STK3: variants seen among roughly 807,000 people sequenced by gnomAD.
STK3 encodes the protein serine/threonine-protein kinase 3.
A neutral mutation model predicts 58.0 loss-of-function variants in STK3; 41 were observed. The observed-to-expected ratio is 0.71, with a 90% CI of 0.55 to 0.92. The LOEUF (loss-of-function observed/expected upper bound fraction) is 0.92. Ranked by LOEUF, STK3 falls within the 40% of genes least tolerant of loss-of-function variation. The probability of loss-of-function intolerance (pLI) is 0.00; values close to 1 mark genes in which losing one functional copy is unlikely to be tolerated. For missense variants in STK3, 479 were observed against 602.7 expected, an observed-to-expected ratio of 0.79 and a Z score of 2.15; for synonymous variants, 170 against 191.0, an observed-to-expected ratio of 0.89 and a Z score of 0.91.
chr8:98,440,749 T>A (rs1273763907), intron 1 of STK3, among the ~76,000 whole-genome samples: 1 of 152,232 alleles, frequency 6.6e-6, no homozygotes, highest in Non-Finnish European at 1.5e-5. Flanking sequence ...ATAGCTAACA[T>A]TCACTAGGCA....
At chr8:98,591,879 T>C (rs907435172) in intron 7 of STK3, among the ~76,000 whole-genome samples, 6 of 152,244 alleles carry the variant, frequency 3.9e-5, no homozygotes, top group East Asian at 1.9e-4. Flanking sequence ...GAATTTTCTA[T>C]ACTTTGTTAA....
chr8:98,873,469 A>T (rs1296095312), intron 3 of STK3, among the ~76,000 whole-genome samples: 1 of 152,120 alleles, frequency 6.6e-6, no homozygotes, highest in Admixed American at 6.5e-5. Flanking sequence ...ATTGTGTGGG[A>T]GTCTAAGTCT....
intron 3 of STK3, among the ~76,000 whole-genome samples, chr8:98,423,455 T>A (rs1379122542): frequency 6.6e-6 from 1 of 152,010 alleles, no homozygotes; most frequent in Non-Finnish European, 1.5e-5. Flanking sequence ...GTTTGGGAGG[T>A]GGGCAGAGTG....
intron 3 of STK3, among the ~76,000 whole-genome samples, chr8:98,874,593 A>T (rs1346696464): frequency 6.7e-6 from 1 of 149,668 alleles, no homozygotes; most frequent in Non-Finnish European, 1.5e-5. Context: ...ATATATAAAC[A>T]TATATATATA....
chr8:98,864,836 A>G (rs1326885231), intron 3 of STK3, among the ~76,000 whole-genome samples: 2 of 152,188 alleles, frequency 1.3e-5, no homozygotes, highest in African/African-American at 2.4e-5. Context: ...TACTACTTTC[A>G]TCTTCAACAA....
the STK3 span, among the ~76,000 whole-genome samples, chr8:98,351,335 A>G: frequency 1.3e-5 from 2 of 152,210 alleles, no homozygotes; most frequent in South Asian, 4.1e-4. Flanking sequence ...ATGGAGACAT[A>G]GTACAACTAT....
intron 10 of STK3, among the ~76,000 whole-genome samples, chr8:98,474,686 A>G (rs1821175664): frequency 6.6e-6 from 1 of 152,166 alleles, no homozygotes; most frequent in Non-Finnish European, 1.5e-5. Flanking sequence ...ATTCATCTTT[A>G]GGACTGATCT....
intron 1 of STK3, among the ~76,000 whole-genome samples, chr8:98,443,493 A>G (rs1209671529): frequency 6.6e-6 from 1 of 151,718 alleles, no homozygotes; most frequent in African/African-American, 2.4e-5. Flanking sequence ...GATAGACACA[A>G]TCTGTGTCCT....
At chr8:98,546,078 TG>T (rs1349989303) in intron 9 of STK3, among the ~76,000 whole-genome samples, 1 of 152,162 alleles carries the variant, frequency 6.6e-6, no homozygotes, top group Admixed American at 6.6e-5. Flanking sequence ...AGTTGGCTCA[TG>T]GGATTTAAAA....
chr8:98,502,853 G>T (rs1043632398), intron 10 of STK3, among the ~76,000 whole-genome samples: 4 of 152,166 alleles, frequency 2.6e-5, no homozygotes, highest in African/African-American at 9.7e-5. Flanking sequence ...AGGAATATTG[G>T]TCTAAAATTC....
the STK3 span, among the ~76,000 whole-genome samples, chr8:98,361,107 A>C: frequency 6.6e-6 from 1 of 152,208 alleles, no homozygotes; most frequent in African/African-American, 2.4e-5. Flanking sequence ...CTAAGGTATT[A>C]GATTACACTG....
chr8:98,559,522 T>C lies in STK3; in HGVS notation c.949-11361A>G, dbSNP rs368012894. Among the ~76,000 whole-genome samples the C allele has an allele frequency of 2.4e-3, 368 of 152,224 alleles. 1 individual carries two copies. The highest frequency in any genetic ancestry group is 8.5e-3 in the African/African-American group (355 of 41,548). Reference sequence around the variant, plus strand: ...AGACAAAAGCAGCAACCTACACTTTTCTTTAACCACTTTTTGAGCAATCCA... The same window carrying C: ...AGACAAAAGCAGCAACCTACACTTTCCTTTAACCACTTTTTGAGCAATCCA... On this transcript the variant is annotated intron_variant, in intron 8 of 10. Transcript: ENST00000419617.
At chr8:98,818,283 G>A (rs529493347) in intron 1 of STK3, among the ~76,000 whole-genome samples, 1 of 152,110 alleles carries the variant, frequency 6.6e-6, no homozygotes, top group Non-Finnish European at 1.5e-5. Context: ...GTTATATGAG[G>A]GCAAAGAACC....
At chr8:98,835,082 G>T (rs531719367) in intron 3 of STK3, among the ~76,000 whole-genome samples, 14 of 152,286 alleles carry the variant, frequency 9.2e-5, no homozygotes, top group Non-Finnish European at 1.6e-4. Context: ...CTTTTACACA[G>T]TTGCCCCTGG....
chr8:98,537,199 T>G (rs532745138), intron 9 of STK3, among the ~76,000 whole-genome samples: 10 of 152,364 alleles, frequency 6.6e-5, no homozygotes, highest in Non-Finnish European at 1.5e-4. Flanking sequence ...GTATAATGTA[T>G]GTGCTTATAC....
chr8:98,697,522 G>C (rs1825082756), intron 6 of STK3, among the ~76,000 whole-genome samples: 1 of 152,204 alleles, frequency 6.6e-6, no homozygotes, highest in Non-Finnish European at 1.5e-5. Flanking sequence ...TCTACACACT[G>C]CTTTGAATGT....
chr8:98,691,079 G>C (rs774354585), intron 6 of STK3, among the ~76,000 whole-genome samples: 3 of 152,152 alleles, frequency 2.0e-5, no homozygotes, highest in South Asian at 2.1e-4. Flanking sequence ...GAGTGGAGAG[G>C]ACAAGGGCTG....
chr8:98,588,356 G>C (rs1041074342), intron 7 of STK3, among the ~76,000 whole-genome samples: 2 of 151,464 alleles, frequency 1.3e-5, no homozygotes, highest in Non-Finnish European at 2.9e-5. Context: ...CTTCACTTAT[G>C]AAGCTTAGTT....
At chr8:98,877,758 C>T (rs932637591) in intron 3 of STK3, among the ~76,000 whole-genome samples, 2 of 152,006 alleles carry the variant, frequency 1.3e-5, no homozygotes, top group Admixed American at 6.6e-5. Context: ...GTTGGGATTA[C>T]AGGCATGAGC....
Sources: gnomAD v4.1 joint callset for allele counts (sites outside exome capture counted in the v4.1 genomes callset) on GRCh38, gnomAD v4.1.1 for gene constraint, MANE v1.5 for transcripts, NCBI Gene and HGNC (gene_info 2026-07-23, HGNC 2026-07-21) for gene names.